The following FRMD4A variants were observed in gnomAD, a reference collection of about 807,000 sequenced individuals.
FRMD4A encodes FERM domain containing 4A.
In FRMD4A, 29 loss-of-function variants were observed where a neutral mutation model predicts 129.1. That is an observed-to-expected ratio of 0.22 (90% CI 0.17 to 0.31). FRMD4A has a LOEUF of 0.31. Among genes scored for constraint, FRMD4A ranks in the 10% least tolerant of loss-of-function variants. FRMD4A has a pLI of 1.00. For missense variants in FRMD4A, 1,272 were observed against 1,375.8 expected (o/e 0.92, Z 1.19); for synonymous variants, 634 against 571.6 (o/e 1.11, Z -1.56).
At chr10:13,700,820 C>CTTTTTTTTTTTTTTTT (rs71503097) in intron 14 of FRMD4A, among the ~76,000 whole-genome samples, 2 of 44,714 alleles carry the variant, frequency 4.5e-5, no homozygotes, top group African/African-American at 8.6e-5. Context: ...AGGGTAGTTG[C>CTTTTTTTTTTTTTTTT]TTTTTTTTTT....
rs7073855 is a variant in FRMD4A at position 14,048,156 on chromosome 10, G to C, written c.46-189244C>G. On this transcript the variant is annotated intron_variant, in intron 2 of 24. Transcript: ENST00000357447. ...GAGCTAGGCTAAAGAAGGCAGCACC[G>C]TACCAAGATATCACTAGGACTGATT... Among the ~76,000 whole-genome samples the C allele has an allele frequency of 2.9e-3, 449 of 152,256 alleles. 3 individuals are homozygous for C. Among genetic ancestry groups the C allele is most frequent in the African/African-American group, 0.01 (426 of 41,546 alleles).
Position 14,183,172 on chromosome 10 carries a change from C to T in FRMD4A, c.45+146886G>A, listed in dbSNP as rs1459687043. Among the ~76,000 whole-genome samples, 5 of 152,092 alleles carry T rather than the reference C, an allele frequency of 3.3e-5. No homozygotes were observed. The East Asian group carries it at 5.8e-4, about 18-fold the overall frequency. On this transcript the variant is annotated intron_variant, in intron 2 of 24. Transcript: ENST00000357447. ...TCTCCAGATTATATGGTCTTAGACTCGATTTTTCTTAATTTAAAATTGAAT... is the reference window on the plus strand; with the variant it reads ...TCTCCAGATTATATGGTCTTAGACTTGATTTTTCTTAATTTAAAATTGAAT...
At chr10:14,054,162 C>T (rs1425609351) in intron 2 of FRMD4A, among the ~76,000 whole-genome samples, 2 of 152,114 alleles carry the variant, frequency 1.3e-5, no homozygotes, top group Non-Finnish European at 2.9e-5. Context: ...GAGACTCTGT[C>T]TCTTAACAAA....
intron 2 of FRMD4A, among the ~76,000 whole-genome samples, chr10:13,958,231 T>C (rs2095421710): frequency 6.6e-6 from 1 of 152,016 alleles, no homozygotes; most frequent in Non-Finnish European, 1.5e-5. Flanking sequence ...TCATTAAAGA[T>C]TGCGTGATTG....
At chr10:14,038,045 G>C (rs4420166) in intron 2 of FRMD4A, among the ~76,000 whole-genome samples, 1 of 152,098 alleles carries the variant, frequency 6.6e-6, no homozygotes, top group African/African-American at 2.4e-5. Context: ...ATTTAAGGCC[G>C]GTCGCGGTGG....
intron 3 of FRMD4A, among the ~76,000 whole-genome samples, chr10:13,856,217 A>AGTGT (rs36225405): frequency 2.2e-4 from 32 of 146,000 alleles, no homozygotes; most frequent in Middle Eastern, 3.5e-3. Context: ...ATTTTGTGCA[A>AGTGT]GTGTGTGTGT....
At chr10:14,236,796 C>G (rs1843832922) in intron 2 of FRMD4A, among the ~76,000 whole-genome samples, 2 of 152,062 alleles carry the variant, frequency 1.3e-5, no homozygotes. Context: ...ACATCCAGAA[C>G]AGATGCTATT....
chr10:13,800,383 G>A (rs575235780), intron 4 of FRMD4A, among the ~76,000 whole-genome samples: 3 of 152,248 alleles, frequency 2.0e-5, no homozygotes, highest in African/African-American at 7.2e-5. Flanking sequence ...TTCATCTTTT[G>A]TCTTACCATA....
At chr10:13,863,391 G>A (rs1317913320) in intron 2 of FRMD4A, among the ~76,000 whole-genome samples, 1 of 151,194 alleles carries the variant, frequency 6.6e-6, no homozygotes, top group African/African-American at 2.4e-5. Context: ...GGACCAACCT[G>A]GGCAACATGG....
At chr10:14,021,199 G>C (rs1376623916) in intron 2 of FRMD4A, among the ~76,000 whole-genome samples, 1 of 152,052 alleles carries the variant, frequency 6.6e-6, no homozygotes, top group Non-Finnish European at 1.5e-5. Context: ...TTGGGGATGT[G>C]TATATAGGTG....
intron 2 of FRMD4A, among the ~76,000 whole-genome samples, chr10:14,165,384 A>G (rs969888071): frequency 1.4e-4 from 22 of 152,352 alleles, no homozygotes; most frequent in African/African-American, 5.1e-4. Flanking sequence ...AAGTTGAGGG[A>G]AAAAATGGAA....
intron 14 of FRMD4A, among the ~76,000 whole-genome samples, chr10:13,694,405 G>A (rs560169505): frequency 3.3e-5 from 5 of 152,234 alleles, no homozygotes; most frequent in Admixed American, 2.0e-4. Context: ...GGGTTGGTTC[G>A]GGTCAAAGGA....
intron 2 of FRMD4A, among the ~76,000 whole-genome samples, chr10:14,093,247 AT>A (rs1323590924): frequency 6.6e-6 from 1 of 152,222 alleles, no homozygotes; most frequent in Non-Finnish European, 1.5e-5. Flanking sequence ...AACAAAGTGC[AT>A]TTAGGTTAAA....
At chr10:14,016,872 A>G (rs1212167595) in intron 2 of FRMD4A, among the ~76,000 whole-genome samples, 1 of 152,248 alleles carries the variant, frequency 6.6e-6, no homozygotes, top group African/African-American at 2.4e-5. Context: ...ATTTGTCGGT[A>G]TCTGTGTCAG....
At chr10:14,057,120 G>T (rs1412346542) in intron 2 of FRMD4A, among the ~76,000 whole-genome samples, 1 of 152,178 alleles carries the variant, frequency 6.6e-6, no homozygotes, top group Non-Finnish European at 1.5e-5. Context: ...GCCTCAAAGG[G>T]TTTTGCAATT....
intron 2 of FRMD4A, among the ~76,000 whole-genome samples, chr10:14,144,133 G>C (rs55818446): frequency 6.6e-6 from 1 of 152,068 alleles, no homozygotes; most frequent in Non-Finnish European, 1.5e-5. Context: ...AGGATGGGTC[G>C]GTGTCCTCCA....
chr10:14,242,900 A>G (rs1447030182), intron 2 of FRMD4A, among the ~76,000 whole-genome samples: 1 of 152,250 alleles, frequency 6.6e-6, no homozygotes, highest in East Asian at 1.9e-4. Context: ...ATCAAGAGGA[A>G]TTAAAAACAA....
intron 15 of FRMD4A, among the ~76,000 whole-genome samples, chr10:13,679,143 G>A (rs2084254968): frequency 6.6e-6 from 1 of 151,776 alleles, no homozygotes; most frequent in Non-Finnish European, 1.5e-5. Flanking sequence ...TAGTGTTATG[G>A]CTGGGCGCGG....
intron 2 of FRMD4A, among the ~76,000 whole-genome samples, chr10:13,904,546 T>G (rs1418859747): frequency 6.6e-6 from 1 of 152,266 alleles, no homozygotes; most frequent in Non-Finnish European, 1.5e-5. Context: ...CAGTGCTTTG[T>G]GTTTTAATAA....
Sources: gnomAD v4.1 joint callset for allele counts (sites outside exome capture counted in the v4.1 genomes callset) on GRCh38, gnomAD v4.1.1 for gene constraint, MANE v1.5 for transcripts, NCBI Gene and HGNC (gene_info 2026-07-23, HGNC 2026-07-21) for gene names.